The following CHRM3 variants were observed in gnomAD, a reference collection of about 807,000 sequenced individuals.
CHRM3 encodes the protein muscarinic acetylcholine receptor M3.
CHRM3 carries 11 observed loss-of-function variants against 41.8 expected under a neutral mutation model. That is an observed-to-expected ratio of 0.26 (90% CI 0.17 to 0.44). The LOEUF is 0.44. Among genes scored for constraint, CHRM3 ranks in the 20% least tolerant of loss-of-function variants. The probability of loss-of-function intolerance (pLI) is 1.00; values close to 1 mark genes in which losing one functional copy is unlikely to be tolerated. For synonymous variants in CHRM3, 297 were observed against 301.4 expected, an observed-to-expected ratio of 0.99 and a Z score of 0.15; for missense variants, 571 against 745.4, an observed-to-expected ratio of 0.77 and a Z score of 2.72.
At chr1:239,692,747 A>G (rs1659836680) in intron 5 of CHRM3, among the ~76,000 whole-genome samples, 1 of 152,222 alleles carries the variant, frequency 6.6e-6, no homozygotes, top group South Asian at 2.1e-4. Flanking sequence ...CTGTAAGGAA[A>G]AAAACAGACA....
intron 5 of CHRM3, among the ~76,000 whole-genome samples, chr1:239,815,048 T>C (rs1392745015): frequency 6.6e-6 from 1 of 152,264 alleles, no homozygotes. Flanking sequence ...AGTTCTGGGA[T>C]TACAGGCATG....
chr1:239,789,994 A>G (rs1030231384), intron 5 of CHRM3, among the ~76,000 whole-genome samples: 2 of 152,176 alleles, frequency 1.3e-5, no homozygotes, highest in East Asian at 1.9e-4. Flanking sequence ...TCAGACTTGC[A>G]TGGGGCCTGT....
chr1:239,543,844 A>G (rs1424133724), intron 2 of CHRM3, among the ~76,000 whole-genome samples: 1 of 152,064 alleles, frequency 6.6e-6, no homozygotes, highest in Non-Finnish European at 1.5e-5. Flanking sequence ...GATAGGATAT[A>G]TTTCAGGCTT....
chr1:239,503,979 G>T (rs552968453), intron 2 of CHRM3, among the ~76,000 whole-genome samples: 19 of 152,172 alleles, frequency 1.2e-4, no homozygotes, highest in African/African-American at 4.3e-4. Context: ...GATAACATTA[G>T]AAAAATCCTT....
chr1:239,702,424 C>T (rs1660769487), intron 5 of CHRM3, among the ~76,000 whole-genome samples: 1 of 152,174 alleles, frequency 6.6e-6, no homozygotes, highest in South Asian at 2.1e-4. Context: ...TAATCTCCCT[C>T]TGGGTGCTAC....
At chr1:239,888,416 C>T (rs1239519020) in intron 6 of CHRM3, among the ~76,000 whole-genome samples, 4 of 151,322 alleles carry the variant, frequency 2.6e-5, no homozygotes, top group African/African-American at 7.3e-5. Flanking sequence ...CATAGCAAGA[C>T]CCTGTCACTC....
intron 6 of CHRM3, among the ~76,000 whole-genome samples, chr1:239,893,506 C>T (rs189461745): frequency 2.1e-3 from 324 of 152,272 alleles, no homozygotes; most frequent in Non-Finnish European, 3.2e-3. Flanking sequence ...AAGTCTTCAA[C>T]TCCTTGGTAC....
At chr1:239,853,070 T>A (rs879460707) in intron 6 of CHRM3, among the ~76,000 whole-genome samples, 9 of 152,118 alleles carry the variant, frequency 5.9e-5, no homozygotes, top group Non-Finnish European at 8.8e-5. Flanking sequence ...TCATCGTTGT[T>A]CTTTTTCAAC....
chr1:239,528,722 G>A (rs1048885612), intron 2 of CHRM3, among the ~76,000 whole-genome samples: 3 of 152,052 alleles, frequency 2.0e-5, no homozygotes, highest in African/African-American at 4.8e-5. Context: ...GTGAAACCCC[G>A]TCTCTACTAA....
At chr1:239,525,990 A>G (rs932493104) in intron 2 of CHRM3, among the ~76,000 whole-genome samples, 4 of 152,334 alleles carry the variant, frequency 2.6e-5, no homozygotes, top group African/African-American at 7.2e-5. Flanking sequence ...AAATGCTTCT[A>G]TCAGCCATCC....
chr1:239,800,407 C>T (rs1363245657), intron 5 of CHRM3, among the ~76,000 whole-genome samples: 5 of 152,214 alleles, frequency 3.3e-5, no homozygotes, highest in African/African-American at 1.2e-4. Flanking sequence ...GCCAGGCTCC[C>T]ATTAGCTGCT....
intron 5 of CHRM3, among the ~76,000 whole-genome samples, chr1:239,790,718 A>C (rs1479946232): frequency 2.0e-5 from 3 of 152,218 alleles, no homozygotes; most frequent in Non-Finnish European, 2.9e-5. Flanking sequence ...CTGTTAGCAG[A>C]TCTAAAATTT....
intron 3 of CHRM3, among the ~76,000 whole-genome samples, chr1:239,630,060 A>G (rs574479855): frequency 2.9e-4 from 44 of 152,312 alleles, no homozygotes; most frequent in Non-Finnish European, 6.3e-4. Context: ...TTGTTTTCAG[A>G]ATGAATGTCT....
intron 3 of CHRM3, among the ~76,000 whole-genome samples, chr1:239,625,145 T>C (rs1668899431): frequency 1.9e-5 from 1 of 51,422 alleles, no homozygotes; most frequent in Non-Finnish European, 3.3e-5. Flanking sequence ...TGGAATGTTC[T>C]TCCATTTGTT....
chr1:239,848,976 TTAAA>T (rs1674492799), intron 6 of CHRM3, among the ~76,000 whole-genome samples: 1 of 152,174 alleles, frequency 6.6e-6, no homozygotes, highest in Non-Finnish European at 1.5e-5. Flanking sequence ...AGTATAGAGT[TTAAA>T]TAGATATTAC....
chr1:239,871,583 A>G (rs1336904807), intron 6 of CHRM3, among the ~76,000 whole-genome samples: 1 of 152,182 alleles, frequency 6.6e-6, no homozygotes, highest in Non-Finnish European at 1.5e-5. Context: ...CAATGGAAAT[A>G]AGTACCATAG....
At chr1:239,700,317 C>T (rs1660569133) in intron 5 of CHRM3, among the ~76,000 whole-genome samples, 2 of 152,122 alleles carry the variant, frequency 1.3e-5, no homozygotes, top group Admixed American at 1.3e-4. Flanking sequence ...ACATCTTCAG[C>T]AGGTATCCAT....
At chr1:239,420,059 C>T (rs1336132436) in intron 1 of CHRM3, among the ~76,000 whole-genome samples, 2 of 152,174 alleles carry the variant, frequency 1.3e-5, no homozygotes, top group African/African-American at 4.8e-5. Flanking sequence ...CAAGGTCTTC[C>T]TTCCCTAGCT....
At chr1:239,416,972 A>G (rs1420268491) in intron 1 of CHRM3, among the ~76,000 whole-genome samples, 1 of 152,202 alleles carries the variant, frequency 6.6e-6, no homozygotes, top group Non-Finnish European at 1.5e-5. Flanking sequence ...AAGGGGATGA[A>G]CTATAATGTC....
Sources: allele counts gnomAD v4.1 joint callset (sites outside exome capture counted in the v4.1 genomes callset), GRCh38; gene constraint gnomAD v4.1.1; transcripts MANE v1.5; gene names NCBI Gene and HGNC (gene_info 2026-07-23, HGNC 2026-07-21).